The following RPH3AL variants were observed in gnomAD, a reference collection of about 807,000 sequenced individuals.
RPH3AL encodes the protein rabphilin 3A like (without C2 domains).
RPH3AL carries 38 observed loss-of-function variants against 43.1 expected under a neutral mutation model. The observed-to-expected ratio is 0.88, with a 90% CI of 0.68 to 1.15. RPH3AL has a LOEUF of 1.15. Among genes scored for constraint, RPH3AL ranks in the 50% most tolerant of loss-of-function variants. The pLI is 0.00. For synonymous variants in RPH3AL, 189 were observed against 176.3 expected (o/e 1.07, Z -0.57); for missense variants, 462 against 423.2 (o/e 1.09, Z -0.81).
At chr17:261,288 G>A (rs1358027133) in intron 6 of RPH3AL, among the ~76,000 whole-genome samples, 1 of 152,226 alleles carries the variant, frequency 6.6e-6, no homozygotes, top group African/African-American at 2.4e-5. Context: ...ATTAGGTTTA[G>A]ATGAGGCCAT....
chr17:307,346 C>T (rs1248546185), intron 5 of RPH3AL, among the ~76,000 whole-genome samples: 8 of 107,642 alleles, frequency 7.4e-5, no homozygotes, highest in East Asian at 2.8e-4. Flanking sequence ...AGGTCCTCCC[C>T]GCGGCAGGTC....
chr17:277,954 C>CAA (rs201231675), intron 6 of RPH3AL, among the ~76,000 whole-genome samples: 1 of 150,890 alleles, frequency 6.6e-6, no homozygotes, highest in East Asian at 2.0e-4. Flanking sequence ...GATCCTGTCT[C>CAA]AAAAAAACAA....
intron 5 of RPH3AL, 77 bp from the exon 6 acceptor site, chr17:281,931 G>T: frequency 1.9e-6 from 2 of 1,066,424 alleles, no homozygotes; most frequent in Non-Finnish European, 2.9e-6. Context: ...CAACTGTAAC[G>T]AAGGGACACT....
chr17:316,790 A>C (rs2044237032), intron 5 of RPH3AL, among the ~76,000 whole-genome samples: 1 of 111,346 alleles, frequency 9.0e-6, no homozygotes, highest in Non-Finnish European at 1.7e-5. Flanking sequence ...CCCCACCTCC[A>C]TTGACCTGTA....
rs141268392 is a variant in RPH3AL at position 317,753 on chromosome 17, A to C, written c.351+1667T>G. 7.5e-3 allele frequency among the ~76,000 whole-genome samples: 1,143 copies of C among 152,348 alleles called. 16 individuals are homozygous for C. The highest frequency in any genetic ancestry group is 0.026 in the African/African-American group (1,062 of 41,580). On this transcript the variant is annotated intron_variant, in intron 5 of 9. Coordinates refer to ENST00000331302, the MANE Select transcript of RPH3AL (RefSeq NM_006987.4). The stretch of plus-strand genomic sequence containing the variant: ...TGGCTTTCCTGCTTACTAATTGGGC[A>C]GGTTAACTTCACTGTACCTTTGGTT...
chr17:276,146 C>A (rs1158245103), intron 6 of RPH3AL, among the ~76,000 whole-genome samples: 1 of 152,134 alleles, frequency 6.6e-6, no homozygotes, highest in Non-Finnish European at 1.5e-5. Flanking sequence ...TTTAAAATAA[C>A]CAATGAGAAG....
intron 6 of RPH3AL, among the ~76,000 whole-genome samples, chr17:272,985 TACGTCAGGGTGAGACCCCAGCGAGGGCG>T (rs2042528649): frequency 2.8e-5 from 1 of 36,358 alleles, no homozygotes; most frequent in African/African-American, 8.8e-5. Flanking sequence ...CAGCAAGGGC[TACGTCAGGGTGAGACCCCAGCGAGGGCG>T]ACATCAGGAA....
intron 6 of RPH3AL, among the ~76,000 whole-genome samples, chr17:272,662 C>T (rs550630981): frequency 8.7e-5 from 13 of 149,306 alleles, no homozygotes; most frequent in African/African-American, 1.7e-4. Flanking sequence ...GCTAAAATGA[C>T]GAGTTAATGG....
At chr17:293,008 C>T (rs138915187) in intron 5 of RPH3AL, among the ~76,000 whole-genome samples, 18 of 152,352 alleles carry the variant, frequency 1.2e-4, no homozygotes, top group Middle Eastern at 3.4e-3. Flanking sequence ...ACCCCACGTC[C>T]TCCATCCTGG....
At chr17:262,482 G>A (rs2042223898) in intron 6 of RPH3AL, among the ~76,000 whole-genome samples, 1 of 151,992 alleles carries the variant, frequency 6.6e-6, no homozygotes, top group Admixed American at 6.6e-5. Flanking sequence ...CCAAAGTGCT[G>A]GGATTACAGG....
At chr17:317,305 A>T (rs1182010331) in intron 5 of RPH3AL, among the ~76,000 whole-genome samples, 8 of 137,182 alleles carry the variant, frequency 5.8e-5, no homozygotes, top group African/African-American at 2.4e-4. Flanking sequence ...TCCCACCTCC[A>T]TTGACCTTTA....
At chr17:253,425 T>A (rs7214608) in intron 6 of RPH3AL, among the ~76,000 whole-genome samples, 16,989 of 152,218 alleles carry the variant, frequency 0.11, 1,234 homozygotes, top group Non-Finnish European at 0.15. Context: ...CAGTGAGTCC[T>A]CAGCTCATGG....
At chr17:220,137 ACAACAGC>A (rs1322454694) in intron 7 of RPH3AL, among the ~76,000 whole-genome samples, 23 of 152,228 alleles carry the variant, frequency 1.5e-4, no homozygotes, top group East Asian at 1.9e-4. Flanking sequence ...AGACCCAAGA[ACAACAGC>A]TCTGAGGCCT....
chr17:313,323 G>A (rs2043692670), intron 5 of RPH3AL, among the ~76,000 whole-genome samples: 1 of 152,120 alleles, frequency 6.6e-6, no homozygotes, highest in South Asian at 2.1e-4. Context: ...CACTCCACTG[G>A]CATCTCATTA....
chr17:323,259 T>C lies in RPH3AL; in HGVS notation c.78-1844A>G, dbSNP rs1398804271. Reference sequence around the variant, plus strand: ...ACTTCTACACTGCCGGTTTTTCCAATTTAAAAAAAAAAAAACTGCAATGCC... The same window carrying C: ...ACTTCTACACTGCCGGTTTTTCCAACTTAAAAAAAAAAAAACTGCAATGCC... On this transcript the variant is annotated intron_variant, in intron 3 of 9. Transcript: ENST00000331302. The surrounding 1 kb of genome is among the most constrained non-coding windows in gnomAD (Gnocchi z 4.4). 7.0e-6 allele frequency among the ~76,000 whole-genome samples: 1 copy of C among 143,134 alleles called. No individual in the cohort carries two copies. The highest frequency in any genetic ancestry group is 2.8e-5 in the African/African-American group (1 of 35,168). The allele number at this position is 143,134 out of a possible 152,430, so 93.9% of individuals were successfully genotyped here.
In RPH3AL at chr17:264,996, C is replaced by A. The variant is rs1261124586; in HGVS notation, c.438+16772G>T. Among the ~76,000 whole-genome samples, 1 of 152,142 alleles carries A rather than the reference C, an allele frequency of 6.6e-6. No individual in the cohort carries two copies. The highest frequency in any genetic ancestry group is 2.4e-5 in the African/African-American group (1 of 41,414). Reference sequence around the variant, plus strand: ...ATCAGTTAACAAAACAAATCTGACCCAAAATTCCAGATTGTCTCAATAAAA... The same window carrying A: ...ATCAGTTAACAAAACAAATCTGACCAAAAATTCCAGATTGTCTCAATAAAA... On this transcript the variant is annotated intron_variant, in intron 6 of 9. Coordinates refer to ENST00000331302, the MANE Select transcript of RPH3AL (RefSeq NM_006987.4). This position sits in a 1 kb window ranked among gnomAD's most constrained non-coding sequence, Gnocchi z 4.8.
chr17:242,693 T>TTACCTTCCTCTATTGAC (rs2041589914), intron 7 of RPH3AL, among the ~76,000 whole-genome samples: 1 of 43,330 alleles, frequency 2.3e-5, no homozygotes, highest in Non-Finnish European at 4.9e-5. Context: ...CCTCTATTGA[T>TTACCTTCCTCTATTGAC]TACCTTCCTC....
At chr17:279,434 T>G (rs9789059) in intron 6 of RPH3AL, among the ~76,000 whole-genome samples, 1 of 152,018 alleles carries the variant, frequency 6.6e-6, no homozygotes, top group South Asian at 2.1e-4. Flanking sequence ...AATAGCGTAA[T>G]GCACAGCCTC....
chr17:251,208 C>T (rs945224568), intron 6 of RPH3AL, among the ~76,000 whole-genome samples: 1 of 152,200 alleles, frequency 6.6e-6, no homozygotes. Context: ...GGCCTGGAAC[C>T]TGTCTGGTGG....
Sources: allele counts gnomAD v4.1 joint callset (sites outside exome capture counted in the v4.1 genomes callset), GRCh38; gene constraint gnomAD v4.1.1; non-coding constraint Gnocchi (gnomAD v3.1); transcripts MANE v1.5; gene names NCBI Gene and HGNC (gene_info 2026-07-23, HGNC 2026-07-21).